The following SAMD12 variants were observed in gnomAD, a reference collection of about 807,000 sequenced individuals.
SAMD12 encodes sterile alpha motif domain-containing protein 12.
A neutral mutation model predicts 15.0 loss-of-function variants in SAMD12; 9 were observed. The ratio of observed to expected loss-of-function variants is 0.60; its 90% confidence interval spans 0.36 to 1.05. The LOEUF (loss-of-function observed/expected upper bound fraction) is 1.05, where lower values mean the gene tolerates loss of function less well. Among genes scored for constraint, SAMD12 ranks in the 50% least tolerant of loss-of-function variants. The pLI, the probability that SAMD12 is intolerant of heterozygous loss-of-function variation, is 0.01. For synonymous variants in SAMD12, 86 were observed against 90.1 expected (o/e 0.96, Z 0.25); for missense variants, 230 against 234.2 (o/e 0.98, Z 0.12).
At chr8:118,615,422 G>A (rs1159864983) in intron 1 of SAMD12, among the ~76,000 whole-genome samples, 1 of 152,120 alleles carries the variant, frequency 6.6e-6, no homozygotes, top group Admixed American at 6.5e-5. Context: ...GGACTGGCAG[G>A]GGTCAGAGTG....
chr8:118,525,490 C>G (rs534281659), intron 2 of SAMD12, among the ~76,000 whole-genome samples: 2 of 152,190 alleles, frequency 1.3e-5, no homozygotes, highest in Non-Finnish European at 2.9e-5. Context: ...TCCCCAGCAC[C>G]CTGAGCAGTG....
chr8:118,173,042 G>A, the SAMD12 span, among the ~76,000 whole-genome samples: 3 of 152,176 alleles, frequency 2.0e-5, no homozygotes, highest in Non-Finnish European at 4.4e-5. Context: ...TAATGTGCCA[G>A]TTCCTAGGAA....
chr8:118,423,034 G>A (rs867540576), intron 3 of SAMD12, among the ~76,000 whole-genome samples: 1 of 152,084 alleles, frequency 6.6e-6, no homozygotes, highest in Non-Finnish European at 1.5e-5. Context: ...AAAAAATTTG[G>A]CCAAGTGTGG....
At chr8:118,220,423 A>G (rs985356209) in intron 4 of SAMD12, among the ~76,000 whole-genome samples, 3 of 152,228 alleles carry the variant, frequency 2.0e-5, no homozygotes. Context: ...GACAGTCTCT[A>G]AGAAATGATC....
chr8:118,537,470 T>G (rs1220671908), intron 2 of SAMD12, among the ~76,000 whole-genome samples: 3 of 152,204 alleles, frequency 2.0e-5, no homozygotes, highest in Admixed American at 6.5e-5. Flanking sequence ...TTTTTATTCT[T>G]TTTCTTTTGT....
intron 4 of SAMD12, among the ~76,000 whole-genome samples, chr8:118,369,444 A>C (rs1279193060): frequency 6.6e-6 from 1 of 152,172 alleles, no homozygotes; most frequent in East Asian, 1.9e-4. Flanking sequence ...GGCCAGGCAC[A>C]GTGGCTCACT....
In SAMD12 at chr8:118,269,874, G is replaced by A. The variant is rs116038157; in HGVS notation, c.434-72142C>T. Among the ~76,000 whole-genome samples the A allele has an allele frequency of 5.8e-3, 881 of 152,222 alleles. 8 individuals carry two copies. The highest frequency in any genetic ancestry group is 0.019 in the African/African-American group (809 of 41,524). ...TCTTTGTGTACAGATCTGGATCCAA[G>A]ACTCATCTCCACCCAATGTGCGCAA... is the stretch of plus-strand genomic sequence containing the variant. On this transcript the variant is annotated intron_variant, in intron 4 of 4. Coordinates refer to the SAMD12 transcript ENST00000409003.
chr8:118,189,264 T>C (rs17484632), downstream of SAMD12, among the ~76,000 whole-genome samples: 3,600 of 152,288 alleles, frequency 0.024, 137 homozygotes, highest in African/African-American at 0.082. Flanking sequence ...ATTTCACATA[T>C]ATTATTTCTC....
chr8:118,405,488 GT>G (rs1821085134), intron 3 of SAMD12, among the ~76,000 whole-genome samples: 1 of 152,196 alleles, frequency 6.6e-6, no homozygotes, highest in South Asian at 2.1e-4. Context: ...AGTGGCAGAG[GT>G]TAGAATAGTG....
At chr8:118,142,511 G>A in the SAMD12 span, among the ~76,000 whole-genome samples, 1 of 152,176 alleles carries the variant, frequency 6.6e-6, no homozygotes, top group Non-Finnish European at 1.5e-5. Flanking sequence ...TCGAATGCTT[G>A]CTTTACTGCA....
chr8:118,551,944 C>T (rs372816037), intron 2 of SAMD12, among the ~76,000 whole-genome samples: 3 of 151,162 alleles, frequency 2.0e-5, no homozygotes, highest in African/African-American at 7.3e-5. Flanking sequence ...GGATAAATTC[C>T]TCGACACATA....
intron 2 of SAMD12, among the ~76,000 whole-genome samples, chr8:118,480,464 T>C (rs1824094351): frequency 6.6e-6 from 1 of 152,230 alleles, no homozygotes; most frequent in Admixed American, 6.5e-5. Context: ...TATAAAACTC[T>C]TAACAGAAAT....
chr8:118,425,579 G>T (rs1822208049), intron 3 of SAMD12, among the ~76,000 whole-genome samples: 1 of 152,100 alleles, frequency 6.6e-6, no homozygotes, highest in Non-Finnish European at 1.5e-5. Flanking sequence ...ACAACAGAAT[G>T]GATCATACTT....
At chr8:118,230,469 G>T (rs1812284624) in intron 4 of SAMD12, among the ~76,000 whole-genome samples, 1 of 152,068 alleles carries the variant, frequency 6.6e-6, no homozygotes, top group Non-Finnish European at 1.5e-5. Context: ...TGCTAGAGAA[G>T]CTTCCTGGAT....
At chr8:118,149,339 A>T in the SAMD12 span, among the ~76,000 whole-genome samples, 1 of 152,252 alleles carries the variant, frequency 6.6e-6, no homozygotes, top group African/African-American at 2.4e-5. Flanking sequence ...CCATTCTGGT[A>T]GATGTGAAGT....
chr8:118,433,839 G>A (rs1241153893), intron 3 of SAMD12, among the ~76,000 whole-genome samples: 1 of 152,188 alleles, frequency 6.6e-6, no homozygotes, highest in Non-Finnish European at 1.5e-5. Flanking sequence ...ATGTGTAGCT[G>A]ACACACTGGA....
At chr8:118,609,819 G>A (rs1311493172) in intron 1 of SAMD12, among the ~76,000 whole-genome samples, 1 of 152,126 alleles carries the variant, frequency 6.6e-6, no homozygotes, top group African/African-American at 2.4e-5. Flanking sequence ...GGAAGTCCAG[G>A]GCAGTGGGAG....
chr8:118,472,255 C>G (rs942114017), intron 2 of SAMD12, among the ~76,000 whole-genome samples: 8 of 151,418 alleles, frequency 5.3e-5, no homozygotes, highest in Non-Finnish European at 8.8e-5. Flanking sequence ...CCACTGCACT[C>G]CAGCCCGGGT....
intron 2 of SAMD12, among the ~76,000 whole-genome samples, chr8:118,536,341 T>C (rs1240505931): frequency 1.3e-5 from 2 of 152,166 alleles, no homozygotes; most frequent in Non-Finnish European, 2.9e-5. Flanking sequence ...CTATTTACTA[T>C]TTAGTTACCT....
Sources: allele counts gnomAD v4.1 joint callset (sites outside exome capture counted in the v4.1 genomes callset), GRCh38; gene constraint gnomAD v4.1.1; transcripts MANE v1.5; gene names NCBI Gene and HGNC (gene_info 2026-07-23, HGNC 2026-07-21).